SREBF2: variants seen among roughly 807,000 people sequenced by gnomAD.
SREBF2 encodes the protein sterol regulatory element-binding protein 2.
SREBF2 carries 55 observed loss-of-function variants against 113.1 expected under a neutral mutation model. That is an observed-to-expected ratio of 0.49 (90% CI 0.39 to 0.61). The LOEUF is 0.61. Among genes scored for constraint, SREBF2 ranks in the 20% least tolerant of loss-of-function variants. The pLI is 0.00. For synonymous variants in SREBF2, 593 were observed against 605.7 expected, an observed-to-expected ratio of 0.98 and a Z score of 0.31; for missense variants, 1,349 against 1,487.4, an observed-to-expected ratio of 0.91 and a Z score of 1.53.
rs1380122177 is a variant in SREBF2, at chr22:41,875,610, T to C, written c.1272T>C (p.Phe424=). 6.2e-7 allele frequency: 1 copy of C among 1,614,240 alleles called. No individual in the cohort carries two copies. Among genetic ancestry groups the C allele is most frequent in the Non-Finnish European group, 8.5e-7 (1 of 1,180,042 alleles). ...DNEVDLKIED[F]NQNVLLMSPP... ...AGGTGGACCTGAAGATCGAGGACTT[T>C]AATCAGAATGTCCTTCTGATGTCCC... Residue 424 remains phenylalanine (F), a synonymous_variant, in exon 7 of 19, where the codon TTT becomes TTC. Transcript: ENST00000361204.
At chr22:41,871,223 A>G (rs768000540) in intron 4 of SREBF2, among the ~76,000 whole-genome samples, 188 bp downstream of exon 4, 7 of 152,304 alleles carry the variant, frequency 4.6e-5, no homozygotes, top group Non-Finnish European at 8.8e-5. Flanking sequence ...TGTGTGTTCG[A>G]TGTGGGAGTA....
At chr22:41,881,497 G>C (rs553346278) in intron 10 of SREBF2, among the ~76,000 whole-genome samples, 99 of 152,342 alleles carry the variant, frequency 6.5e-4, no homozygotes, top group African/African-American at 2.2e-3. Flanking sequence ...GTTTTCTGGG[G>C]AAGTAGAGTC....
At position 41,833,193 on chromosome 22, in the gene SREBF2, C is replaced by T; in HGVS notation, c.-78C>T. 8.2e-7 allele frequency: 1 copy of T among 1,212,964 alleles called. No individual in the cohort carries two copies. Among genetic ancestry groups the T allele is most frequent in the South Asian group, 1.4e-5 (1 of 69,188 alleles). The allele number at this position is 1,212,964 out of a possible 1,614,324, so 75.1% of individuals were successfully genotyped here. On this transcript the variant is annotated 5_prime_UTR_variant, in exon 1 of 19. Coordinates refer to ENST00000361204, the MANE Select transcript of SREBF2 (RefSeq NM_004599.4). This position sits in a 1 kb window ranked among gnomAD's most constrained non-coding sequence, Gnocchi z 4.1. Reference sequence around the variant, plus strand: ...GTGCCGGGCGGGGGTTGTCGGGTGTCATGGGCGGTGGCGACGGCACCGCCC... The same window carrying T: ...GTGCCGGGCGGGGGTTGTCGGGTGTTATGGGCGGTGGCGACGGCACCGCCC...
At chr22:41,863,520 C>T (rs62240962) in intron 1 of SREBF2, among the ~76,000 whole-genome samples, 9,269 of 152,238 alleles carry the variant, frequency 0.061, 387 homozygotes, top group Middle Eastern at 0.095. Flanking sequence ...TAATCTTGTA[C>T]TTGGAGTGTG....
intron 1 of SREBF2, among the ~76,000 whole-genome samples, chr22:41,846,285 A>G (rs2076876084): frequency 6.6e-6 from 1 of 152,178 alleles, no homozygotes. Flanking sequence ...AATTTGGAAA[A>G]TGGGCCAGAA....
Position 41,833,223 on chromosome 22 carries a change from G to A in SREBF2, c.-48G>A. 1 of 1,453,308 alleles carries A rather than the reference G, an allele frequency of 6.9e-7. No homozygotes were observed. 90.0% of individuals were successfully genotyped at this position (1,453,308 alleles called of 1,614,324 possible). ...GCGGTGGCGACGGCACCGCCCCCGCGTCTCCCTGAGCGGGACGGCAGGGGG... is the reference window on the plus strand; with the variant it reads ...GCGGTGGCGACGGCACCGCCCCCGCATCTCCCTGAGCGGGACGGCAGGGGG... On this transcript the variant is annotated 5_prime_UTR_variant, in exon 1 of 19. Coordinates refer to ENST00000361204, the MANE Select transcript of SREBF2 (RefSeq NM_004599.4). This position sits in a 1 kb window ranked among gnomAD's most constrained non-coding sequence, Gnocchi z 4.1.
intron 11 of SREBF2, among the ~76,000 whole-genome samples, 167 bp downstream of exon 11, chr22:41,885,178 C>T (rs528013097): frequency 2.1e-4 from 32 of 152,282 alleles, no homozygotes; most frequent in Admixed American, 3.9e-4. Flanking sequence ...TCCCAGCAAC[C>T]GATAAAACAG....
At position 41,861,626 on chromosome 22, in the gene SREBF2, A is replaced by G. The variant is rs6002513; in HGVS notation, c.89-5205A>G. ...ATATATTACTTTTATGATTTTAACA[A>G]ATTATTAAAAACAGGGCCAGGCGCA... On this transcript the variant is annotated intron_variant, in intron 1 of 18. Transcript: ENST00000361204. 1.3e-3 allele frequency among the ~76,000 whole-genome samples: 193 copies of G among 152,166 alleles called. 2 individuals are homozygous for G. Among genetic ancestry groups the G allele is most frequent in the African/African-American group, 4.6e-3 (190 of 41,512 alleles).
chr22:41,888,702 C>G (rs1291307009), intron 11 of SREBF2, among the ~76,000 whole-genome samples: 2 of 152,194 alleles, frequency 1.3e-5, no homozygotes, highest in African/African-American at 4.8e-5. Flanking sequence ...TGTCCATTGT[C>G]TTCATGCACC....
intron 13 of SREBF2, among the ~76,000 whole-genome samples, chr22:41,895,587 C>G (rs931966478): frequency 1.3e-5 from 2 of 151,878 alleles, no homozygotes; most frequent in African/African-American, 2.4e-5. Flanking sequence ...AGGCGCCCAC[C>G]ACCATGCCTG....
chr22:41,870,628 CAAAAAAAAAA>C (rs133289), intron 3 of SREBF2, among the ~76,000 whole-genome samples: 3 of 56,166 alleles, frequency 5.3e-5, no homozygotes, highest in South Asian at 7.5e-4. Flanking sequence ...CCTGTCTCAG[CAAAAAAAAAA>C]AAAAAAAAAA....
At chr22:41,889,743 G>A (rs567512732) in intron 11 of SREBF2, among the ~76,000 whole-genome samples, 44 of 150,418 alleles carry the variant, frequency 2.9e-4, no homozygotes, top group Non-Finnish European at 5.3e-4. Flanking sequence ...GCTCATACCT[G>A]TAATCCCAGC....
chr22:41,850,647 A>G (rs2076919477), intron 1 of SREBF2, among the ~76,000 whole-genome samples: 1 of 152,186 alleles, frequency 6.6e-6, no homozygotes. Context: ...ACCTAAATAT[A>G]GATATAAATT....
intron 1 of SREBF2, among the ~76,000 whole-genome samples, chr22:41,853,558 C>G (rs1042695682): frequency 3.9e-5 from 6 of 152,326 alleles, no homozygotes; most frequent in African/African-American, 1.4e-4. Flanking sequence ...TTTATTATCT[C>G]TGTGCCTGGT....
At chr22:41,837,976 G>A (rs926286743) in intron 1 of SREBF2, among the ~76,000 whole-genome samples, 1 of 152,130 alleles carries the variant, frequency 6.6e-6, no homozygotes, top group Admixed American at 6.6e-5. Flanking sequence ...GATCTCTGGG[G>A]TCTTGTACTA....
intron 11 of SREBF2, among the ~76,000 whole-genome samples, chr22:41,888,662 C>T (rs756474593): frequency 1.3e-5 from 2 of 152,128 alleles, no homozygotes; most frequent in Non-Finnish European, 2.9e-5. Flanking sequence ...CAGTATTTGC[C>T]GTTATAAACA....
intron 11 of SREBF2, chr22:41,886,073 T>G (rs1272062502): frequency 6.6e-6 from 1 of 152,232 alleles, no homozygotes; most frequent in Non-Finnish European, 1.5e-5. Flanking sequence ...GACATTTGCC[T>G]TGTCCTCAGG....
At position 41,903,171 on chromosome 22, in the gene SREBF2, C is replaced by T; in HGVS notation, c.3093+16C>T. The stretch of plus-strand genomic sequence containing the variant: ...ATACCGCAAGGTGAGGCCCAGCTGG[C>T]TGGTGGGGCAGGGCAGATTGGAGCC... On this transcript the variant is annotated intron_variant, in intron 17 of 18. Coordinates refer to ENST00000361204, the MANE Select transcript of SREBF2 (RefSeq NM_004599.4). The T allele has an allele frequency of 6.5e-7, 1 of 1,548,152 alleles. No individual in the cohort carries two copies. The highest frequency in any genetic ancestry group is 1.4e-5 in the African/African-American group (1 of 73,178).
Position 41,884,913 on chromosome 22 carries a change from G to A in SREBF2, c.2110G>A (p.Ala704Thr). Residue 704 changes from alanine (A) to threonine (T), a missense_variant, in exon 11 of 19, where the codon GCA becomes ACA. Coordinates refer to ENST00000361204, the MANE Select transcript of SREBF2 (RefSeq NM_004599.4). ...GTGTGCCGTGAACCTGGCTGAATGT[G>A]CAGAGGAGAAGATCCCACCGAGCAC... ...ALCAVNLAEC[A>T]EEKIPPSTLV... The A allele has an allele frequency of 6.2e-7, 1 of 1,614,210 alleles. No homozygotes were observed.
Sources: gnomAD v4.1 joint callset for allele counts (sites outside exome capture counted in the v4.1 genomes callset) on GRCh38, gnomAD v4.1.1 for gene constraint, Gnocchi (gnomAD v3.1) non-coding constraint, MANE v1.5 for transcripts, NCBI Gene and HGNC (gene_info 2026-07-23, HGNC 2026-07-21) for gene names.